Variants in PTPA observed in about 807,000 individuals in gnomAD.
The protein encoded by PTPA is serine/threonine-protein phosphatase 2A activator.
PTPA carries 13 observed loss-of-function variants against 43.6 expected under a neutral mutation model. That is an observed-to-expected ratio of 0.30 (90% confidence interval 0.19 to 0.47). PTPA has a LOEUF of 0.47. Ranked by LOEUF, PTPA falls within the 20% of genes least tolerant of loss-of-function variation. The pLI is 0.99. For missense variants in PTPA, 329 were observed against 411.9 expected, an observed-to-expected ratio of 0.80 and a Z score of 1.74; for synonymous variants, 172 against 158.2, an observed-to-expected ratio of 1.09 and a Z score of -0.66.
rs147203897 is a variant in PTPA, at chr9:129,135,492, C to G, written c.560+598C>G. Among the ~76,000 whole-genome samples, 336 of 152,342 alleles carry G rather than the reference C, an allele frequency of 2.2e-3. 1 individual carries two copies. Among genetic ancestry groups the G allele is most frequent in the Non-Finnish European group, 3.1e-3 (214 of 68,040 alleles). ...GCACTTTATGTATAACTCATTAATT[C>G]TAACAACAACCCTATGAAATAGCAA... On this transcript the variant is annotated intron_variant, in intron 6 of 9. Transcript: ENST00000393370.
At chr9:129,137,144 T>C (rs1850425225) in intron 7 of PTPA, among the ~76,000 whole-genome samples, 1 of 152,198 alleles carries the variant, frequency 6.6e-6, no homozygotes, top group Non-Finnish European at 1.5e-5. Flanking sequence ...TGATGAAGAA[T>C]GAACTGCCTA....
At chr9:129,129,211 T>C (rs1038053306) in intron 4 of PTPA, 101 bp downstream of exon 4, 8 of 1,451,076 alleles carry the variant, frequency 5.5e-6, no homozygotes, top group Non-Finnish European at 6.5e-6. Context: ...TCTAGGCATA[T>C]ACAAATCTCA....
rs146957176 is a variant in PTPA at position 129,143,664 on chromosome 9, C to A, written c.894+1112C>A. On this transcript the variant is annotated intron_variant, in intron 9 of 9. Transcript: ENST00000393370. Reference sequence around the variant, plus strand: ...CCCTCACTCCCTTCCGCCCCCTCCCCCTTTGGTCCCCTTCCTCTGGACCTC... The same window carrying A: ...CCCTCACTCCCTTCCGCCCCCTCCCACTTTGGTCCCCTTCCTCTGGACCTC... The A allele has an allele frequency of 9.9e-6, 5 of 505,700 alleles. No homozygotes were observed. The Admixed American group carries it at 1.3e-4, about 13-fold the overall frequency. The allele number at this position is 505,700 out of a possible 1,614,324, so 31.3% of individuals were successfully genotyped here.
intron 9 of PTPA, among the ~76,000 whole-genome samples, chr9:129,144,268 TG>T (rs1851126958): frequency 6.6e-6 from 1 of 151,666 alleles, no homozygotes; most frequent in East Asian, 1.9e-4. Flanking sequence ...GGGGTCTCCG[TG>T]GGGGCTGAGC....
intron 1 of PTPA, among the ~76,000 whole-genome samples, chr9:129,115,505 T>G (rs1043801212): frequency 6.6e-6 from 1 of 152,192 alleles, no homozygotes; most frequent in African/African-American, 2.4e-5. Flanking sequence ...TTCCAGAAAC[T>G]TCTTAGGTCC....
intron 8 of PTPA, chr9:129,139,363 A>C (rs542872684): frequency 1.6e-4 from 25 of 152,352 alleles, no homozygotes; most frequent in African/African-American, 4.3e-4. Flanking sequence ...GGGTTTGGTG[A>C]CATTTATTTG....
intron 9 of PTPA, among the ~76,000 whole-genome samples, chr9:129,144,568 C>G (rs572719972): frequency 1.3e-5 from 2 of 151,886 alleles, no homozygotes; most frequent in East Asian, 3.9e-4. Context: ...GAAACCCCGT[C>G]TCTACTAAAA....
chr9:129,121,762 T>A (rs932833), intron 2 of PTPA, among the ~76,000 whole-genome samples: 90,451 of 152,154 alleles, frequency 0.59, 28,821 homozygotes, highest in Non-Finnish European at 0.7. Flanking sequence ...GTTGAGAACC[T>A]GCTTCTTTGT....
chr9:129,147,425 C>G lies in PTPA; in HGVS notation c.933C>G (p.Phe311Leu). The G allele has an allele frequency of 1.2e-6, 2 of 1,613,968 alleles. No homozygotes were observed. The highest frequency in any genetic ancestry group is 1.7e-6 in the Non-Finnish European group (2 of 1,179,988). ...TCCCTGTGATCCAGCACTTCAAGTT[C>G]GGGAGCCTGCTGCCCATCCATCCTG... ...EKFPVIQHFK[F>L]GSLLPIHPVT... Residue 311 changes from phenylalanine to leucine, a missense_variant, in exon 10 of 10, where the codon TTC becomes TTG. Physicochemically the swap from Phe to Leu is conservative, Grantham distance 22. Transcript: ENST00000393370.
At chr9:129,140,806 A>AG (rs1407812226) in intron 8 of PTPA, among the ~76,000 whole-genome samples, 1 of 5,124 alleles carries the variant, frequency 2.0e-4, no homozygotes, top group African/African-American at 8.8e-4. Flanking sequence ...TAGGGTGGGG[A>AG]GGTGGGGGAG....
intron 5 of PTPA, among the ~76,000 whole-genome samples, chr9:129,133,791 C>T (rs989120401): frequency 2.0e-5 from 3 of 152,224 alleles, no homozygotes; most frequent in South Asian, 2.1e-4. Flanking sequence ...TGTCATTACA[C>T]GTTCTCCCTT....
intron 9 of PTPA, chr9:129,143,757 G>C (rs1209073019): frequency 2.4e-5 from 6 of 248,082 alleles, no homozygotes; most frequent in Non-Finnish European, 4.8e-5. Flanking sequence ...CCGTTGGCTG[G>C]AGCTGCCTAG....
At position 129,143,204 on chromosome 9, in the gene PTPA, C is replaced by T. The variant is rs1362066870; in HGVS notation, c.894+652C>T. The T allele has an allele frequency of 4.5e-5, 29 of 639,792 alleles. No homozygotes were observed. The East Asian group carries it at 6.8e-4, about 15-fold the overall frequency. 39.6% of individuals were successfully genotyped at this position (639,792 alleles called of 1,614,324 possible). On this transcript the variant is annotated intron_variant, in intron 9 of 9. Coordinates refer to ENST00000393370, the MANE Select transcript of PTPA (RefSeq NM_178000.3). ...CAGCCAAGGAGGTGGCCTTTTCTCTCTTCCAAGTGGGGAGGAGACATTTTA... is the reference window on the plus strand; with the variant it reads ...CAGCCAAGGAGGTGGCCTTTTCTCTTTTCCAAGTGGGGAGGAGACATTTTA...
chr9:129,111,372 CCG>C, upstream of PTPA: 1 of 1,223,334 alleles, frequency 8.2e-7, no homozygotes, highest in Non-Finnish European at 1.0e-6. Context: ...CGCGCGTCCG[CCG>C]CGCGCCGGCC....
At chr9:129,142,337 T>TC (rs1351046020) in intron 8 of PTPA, 108 bp from the exon 9 acceptor site, 1 of 985,882 alleles carries the variant, frequency 1.0e-6, no homozygotes, top group East Asian at 2.5e-5. Flanking sequence ...TGCGTGTGCG[T>TC]TTGTGTGTGT....
At position 129,127,950 on chromosome 9, in the gene PTPA, A is replaced by G. The variant is rs1386776962; in HGVS notation, c.217-1035A>G. On this transcript the variant is annotated intron_variant, in intron 3 of 9. Coordinates refer to ENST00000393370, the MANE Select transcript of PTPA (RefSeq NM_178000.3). ...ACTTAGTAAAAGTTGTCATAAGATT[A>G]TGTTTATATGTAGATGTGGAATGAG... The G allele has an allele frequency of 4.6e-6, 6 of 1,311,216 alleles. No homozygotes were observed. In the Admixed American group the frequency reaches 8.9e-5, roughly 20 times the overall value. 81.2% of individuals were successfully genotyped at this position (1,311,216 alleles called of 1,614,324 possible).
chr9:129,115,984 G>T (rs992104059), intron 1 of PTPA, among the ~76,000 whole-genome samples: 2 of 151,410 alleles, frequency 1.3e-5, no homozygotes, highest in African/African-American at 4.9e-5. Context: ...CCTCAGCTTC[G>T]CGAGTAGCTG....
At chr9:129,137,863 G>A (rs769652654) in intron 8 of PTPA, 171 bp downstream of exon 8, 15 of 672,374 alleles carry the variant, frequency 2.2e-5, no homozygotes, top group East Asian at 5.6e-5. Context: ...CGAAAGAGCC[G>A]CTGCTGACTG....
chr9:129,132,992 A>G (rs1434424675), intron 5 of PTPA, among the ~76,000 whole-genome samples: 1 of 152,158 alleles, frequency 6.6e-6, no homozygotes, highest in South Asian at 2.1e-4. Context: ...TGGCCTGTGG[A>G]GCCACCATGC....
Sources: gnomAD v4.1 joint callset for allele counts (sites outside exome capture counted in the v4.1 genomes callset) on GRCh38, gnomAD v4.1.1 for gene constraint, MANE v1.5 for transcripts, NCBI Gene and HGNC (gene_info 2026-07-23, HGNC 2026-07-21) for gene names.